Variants in SPOCK1 observed in about 807,000 individuals in gnomAD.
The protein encoded by SPOCK1 is SPARC (osteonectin), cwcv and kazal like domains proteoglycan 1, also known as testican-1.
In SPOCK1, 23 loss-of-function variants were observed where a neutral mutation model predicts 55.3. That is an observed-to-expected ratio of 0.42 (90% CI 0.30 to 0.59). The LOEUF (loss-of-function observed/expected upper bound fraction) is 0.59, where lower values mean the gene tolerates loss of function less well. SPOCK1 is among the 20% of genes least tolerant of loss of function. The pLI is 0.22. For missense variants in SPOCK1, 499 were observed against 552.5 expected, an observed-to-expected ratio of 0.90 and a Z score of 0.97; for synonymous variants, 226 against 221.0, an observed-to-expected ratio of 1.02 and a Z score of -0.20.
chr5:137,014,307 G>C (rs1157039540), intron 6 of SPOCK1, among the ~76,000 whole-genome samples: 5 of 152,176 alleles, frequency 3.3e-5, no homozygotes, highest in Non-Finnish European at 7.3e-5. Flanking sequence ...TCAGCCTGCA[G>C]AATCGTGAGC....
chr5:137,052,208 A>G (rs1752220112), intron 6 of SPOCK1, among the ~76,000 whole-genome samples: 2 of 152,336 alleles, frequency 1.3e-5, no homozygotes, highest in South Asian at 4.1e-4. Flanking sequence ...GTTGCCTCAT[A>G]CAAGCCCTGG....
rs545523361 is a variant in SPOCK1, at chr5:136,980,384, A to G, written c.992-915T>C. 3.3e-5 allele frequency among the ~76,000 whole-genome samples: 5 copies of G among 152,324 alleles called. No homozygotes were observed. In the East Asian group the frequency reaches 7.7e-4, roughly 23 times the overall value. ...TTACTAGTGGCACAAATTTACAAGT[A>G]TGTTACTAAGTGATTGATATGGTTT... On this transcript the variant is annotated intron_variant, in intron 9 of 10. Transcript: ENST00000394945.
chr5:137,328,339 G>A (rs577501321), intron 2 of SPOCK1, among the ~76,000 whole-genome samples: 1 of 152,282 alleles, frequency 6.6e-6, no homozygotes, highest in Admixed American at 6.5e-5. Flanking sequence ...AGTTTGCAAG[G>A]ATGACCTATG....
At chr5:137,068,862 A>G (rs1460880159) in intron 5 of SPOCK1, among the ~76,000 whole-genome samples, 1 of 152,012 alleles carries the variant, frequency 6.6e-6, no homozygotes, top group Non-Finnish European at 1.5e-5. Context: ...TTGTCTGTAA[A>G]TTTCTCAAGA....
intron 2 of SPOCK1, among the ~76,000 whole-genome samples, chr5:137,363,114 A>G (rs1309944073): frequency 1.3e-5 from 2 of 152,218 alleles, no homozygotes; most frequent in Non-Finnish European, 2.9e-5. Context: ...CAGGCTGAGT[A>G]TGGGAGATCA....
intron 2 of SPOCK1, among the ~76,000 whole-genome samples, chr5:137,413,109 G>A (rs954076739): frequency 6.6e-6 from 1 of 152,126 alleles, no homozygotes; most frequent in Non-Finnish European, 1.5e-5. Context: ...TTCTCTATGA[G>A]GTAAAGGCCA....
chr5:137,244,134 T>A (rs1580826030), intron 3 of SPOCK1, among the ~76,000 whole-genome samples: 1 of 152,220 alleles, frequency 6.6e-6, no homozygotes, highest in Admixed American at 6.5e-5. Context: ...TTGTATCATG[T>A]GTAATAAAGA....
chr5:137,351,588 CT>C (rs973912346), intron 2 of SPOCK1, among the ~76,000 whole-genome samples: 9 of 152,206 alleles, frequency 5.9e-5, no homozygotes, highest in Non-Finnish European at 1.3e-4. Flanking sequence ...CCTCCCAGTT[CT>C]GTTTCACAGC....
Position 137,427,292 on chromosome 5 carries a change from C to A in SPOCK1, c.186+71081G>T, listed in dbSNP as rs115146694. Among the ~76,000 whole-genome samples, 1,344 of 152,274 alleles carry A rather than the reference C, an allele frequency of 8.8e-3. 13 individuals are homozygous for A. Among genetic ancestry groups the A allele is most frequent in the African/African-American group, 0.03 (1,257 of 41,546 alleles). On this transcript the variant is annotated intron_variant, in intron 2 of 10. Coordinates refer to ENST00000394945, the MANE Select transcript of SPOCK1 (RefSeq NM_004598.4). ...TGTTCACTGCTGAAGTGGAGAGAAG[C>A]CTTTCTCCACAACACTGGTTGATAC...
chr5:137,247,247 C>CT (rs1697267669), intron 3 of SPOCK1, among the ~76,000 whole-genome samples: 2 of 152,128 alleles, frequency 1.3e-5, no homozygotes, highest in South Asian at 4.2e-4. Context: ...AAATGGGTGC[C>CT]TGGCCCAGGG....
intron 2 of SPOCK1, among the ~76,000 whole-genome samples, chr5:137,462,755 A>T (rs145540908): frequency 1.3e-5 from 2 of 152,330 alleles, no homozygotes; most frequent in Non-Finnish European, 2.9e-5. Flanking sequence ...TTAAAAGGTT[A>T]AGAGAGTCTG....
chr5:137,451,242 G>A (rs1021171587), intron 2 of SPOCK1, among the ~76,000 whole-genome samples: 2 of 152,084 alleles, frequency 1.3e-5, no homozygotes, highest in Non-Finnish European at 2.9e-5. Flanking sequence ...GCTCCCGGCA[G>A]CCAGGAGCCA....
Position 137,265,253 on chromosome 5 carries a change from T to C in SPOCK1, c.232+1757A>G, listed in dbSNP as rs547328232. 7.2e-5 allele frequency among the ~76,000 whole-genome samples: 11 copies of C among 152,338 alleles called. No individual in the cohort carries two copies. In the South Asian group the frequency reaches 1.0e-3, roughly 14 times the overall value. ...GTATTCCTTCTCCAATATGCATTAGTAAAAGTAAAAATGTCTTCCCTCGGG... is the reference window on the plus strand; with the variant it reads ...GTATTCCTTCTCCAATATGCATTAGCAAAAGTAAAAATGTCTTCCCTCGGG... On this transcript the variant is annotated intron_variant, in intron 3 of 10. Transcript: ENST00000394945.
chr5:137,005,322 C>CT (rs112930078), intron 6 of SPOCK1, among the ~76,000 whole-genome samples: 89 of 149,302 alleles, frequency 6.0e-4, no homozygotes, highest in African/African-American at 1.9e-3. Context: ...CCAATAATAG[C>CT]TTTTTTTTTT....
chr5:137,471,210 T>A (rs1361050611), intron 2 of SPOCK1, among the ~76,000 whole-genome samples: 1 of 152,208 alleles, frequency 6.6e-6, no homozygotes, highest in Non-Finnish European at 1.5e-5. Flanking sequence ...TCTATTCAGA[T>A]GACATAGGCT....
intron 3 of SPOCK1, among the ~76,000 whole-genome samples, chr5:137,175,383 G>A (rs1338816669): frequency 6.6e-6 from 1 of 152,176 alleles, no homozygotes; most frequent in South Asian, 2.1e-4. Flanking sequence ...CCCTTGATAA[G>A]TACAAAAGTT....
At chr5:137,215,884 C>G (rs1580811655) in intron 3 of SPOCK1, among the ~76,000 whole-genome samples, 1 of 152,206 alleles carries the variant, frequency 6.6e-6, no homozygotes, top group East Asian at 1.9e-4. Context: ...GAACACATAA[C>G]TACCTATTCT....
chr5:137,080,170 T>C (rs1314654825), intron 5 of SPOCK1, among the ~76,000 whole-genome samples: 2 of 152,156 alleles, frequency 1.3e-5, no homozygotes, highest in Non-Finnish European at 2.9e-5. Flanking sequence ...CCAGCCCCTA[T>C]ATGATAAAAA....
intron 2 of SPOCK1, among the ~76,000 whole-genome samples, chr5:137,389,042 T>G (rs1335604066): frequency 6.6e-6 from 1 of 152,092 alleles, no homozygotes; most frequent in Non-Finnish European, 1.5e-5. Flanking sequence ...CAAGACAGGA[T>G]GAGAGAGGTA....
Sources: gnomAD v4.1 joint callset for allele counts (sites outside exome capture counted in the v4.1 genomes callset) on GRCh38, gnomAD v4.1.1 for gene constraint, MANE v1.5 for transcripts, NCBI Gene and HGNC (gene_info 2026-07-23, HGNC 2026-07-21) for gene names.